INF2: variants seen among roughly 807,000 people sequenced by gnomAD.
INF2 encodes inverted formin-2.
A neutral mutation model predicts 123.5 loss-of-function variants in INF2; 43 were observed. The observed-to-expected ratio is 0.35, with a 90% CI of 0.27 to 0.45. The LOEUF (loss-of-function observed/expected upper bound fraction) is 0.45. Ranked by LOEUF, INF2 falls within the 20% of genes least tolerant of loss-of-function variation. The pLI is 1.00. For missense variants in INF2, 1,453 were observed against 1,682.7 expected, an observed-to-expected ratio of 0.86 and a Z score of 2.39; for synonymous variants, 851 against 745.0, an observed-to-expected ratio of 1.14 and a Z score of -2.32.
Position 104,701,739 on chromosome 14 carries a change from T to TG in INF2, c.375dup (p.Arg126AlafsTer20). On this transcript the variant is annotated frameshift_variant, in exon 2 of 23. Transcript: ENST00000392634. LOFTEE classifies it high-confidence loss of function. Reference sequence around the variant, plus strand: ...TACATCCTCAGCAACCAGGGCTACGTGCGCCAGCTCTCCCAGGGTGAGCCG... The same window carrying TG: ...TACATCCTCAGCAACCAGGGCTACGTGGCGCCAGCTCTCCCAGGGTGAGCCG... 1 of 1,519,882 alleles carries TG rather than the reference T, an allele frequency of 6.6e-7. No homozygotes were observed. The highest frequency in any genetic ancestry group is 8.8e-7 in the Non-Finnish European group (1 of 1,132,602). 94.1% of individuals were successfully genotyped at this position (1,519,882 alleles called of 1,614,324 possible).
chr14:104,701,575 G>A lies in INF2; in HGVS notation c.210G>A (p.Glu70=). The change falls in exon 2 of 23, where the codon GAG becomes GAA. Residue 70 remains glutamate, a synonymous_variant. Coordinates refer to ENST00000392634, the MANE Select transcript of INF2 (RefSeq NM_022489.4). ...GCGGCTGGATGGTGCAGTTCCTGGA[G>A]CAGAGCGGCCTGGACCTGCTGCTGG... ...SDGGWMVQFL[E]QSGLDLLLEA... is the part of the protein sequence containing the mutation. The A allele has an allele frequency of 1.2e-6, 2 of 1,608,406 alleles. No homozygotes were observed. The highest frequency in any genetic ancestry group is 1.7e-4 in the Middle Eastern group (1 of 6,024).
rs771072587 is a variant in INF2 at position 104,709,372 on chromosome 14, G to A, written c.2041G>A (p.Glu681Lys). 9 of 1,612,388 alleles carry A rather than the reference G, an allele frequency of 5.6e-6. No homozygotes were observed. The highest frequency in any genetic ancestry group is 3.3e-5 in the Admixed American group (2 of 59,996). The stretch of plus-strand genomic sequence containing the variant: ...CAAACAACTCCTTAAGCTCCTTCCC[G>A]AGAAGCACGAGGTAAGAGGACCACC... ...VLKQLLKLLP[E>K]KHEIENLRAF... is the part of the protein sequence containing the mutation. The change falls in exon 11 of 23, where the codon GAG (glutamate) becomes AAG (lysine). Residue 681 changes from glutamate to lysine, a missense_variant. Transcript: ENST00000392634.
In INF2 at chr14:104,684,401, A is replaced by G. The variant is rs1300806236; in HGVS notation, c.-104+2819A>G. 3.6e-6 allele frequency: 1 copy of G among 277,572 alleles called. No individual in the cohort carries two copies. The highest frequency in any genetic ancestry group is 7.1e-6 in the Non-Finnish European group (1 of 140,218). 17.2% of individuals were successfully genotyped at this position (277,572 alleles called of 1,614,324 possible). On this transcript the variant is annotated intron_variant, in intron 1 of 2. Transcript: ENST00000674723. The surrounding 1 kb of genome is among the most constrained non-coding windows in gnomAD (Gnocchi z 5.0). ...TTCAGCGGATAGGTTTGTGCAACGAAATATTTCATAGAAATCAAGAAACAT... is the reference window on the plus strand; with the variant it reads ...TTCAGCGGATAGGTTTGTGCAACGAGATATTTCATAGAAATCAAGAAACAT...
chr14:104,707,017 C>A lies in INF2; in HGVS notation c.951C>A (p.Ser317Arg), dbSNP rs763642754. ...SSQLLWEALE[S>R]LVNRAVLLAS... ...AGCTGCTCTGGGAGGCCCTGGAGAG[C>A]CTCGTGAACCGGGCCGTGCTCCTGG... is the stretch of plus-strand genomic sequence containing the variant. The change falls in exon 7 of 23, where the codon AGC becomes AGA. Residue 317 changes from serine (S) to arginine (R), a missense_variant. Around this residue, in one of 8 missense-constraint regions of INF2, gnomAD observed 374 missense variants for 303.7 expected, o/e 1.23. Coordinates refer to ENST00000392634, the MANE Select transcript of INF2 (RefSeq NM_022489.4). 3.1e-6 allele frequency: 5 copies of A among 1,590,592 alleles called. No homozygotes were observed. The highest frequency in any genetic ancestry group is 3.4e-5 in the Admixed American group (2 of 58,828).
chr14:104,713,341 T>TG, intron 19 of INF2, 32 bp downstream of exon 19: 3 of 1,548,334 alleles, frequency 1.9e-6, no homozygotes, highest in Non-Finnish European at 2.6e-6. Flanking sequence ...GGGGAGGGGG[T>TG]GACTCTGGGA....
In INF2 at chr14:104,701,525, C is replaced by T; in HGVS notation, c.160C>T (p.Arg54Cys). 3.1e-6 allele frequency: 5 copies of T among 1,607,432 alleles called. No individual in the cohort carries two copies. The highest frequency in any genetic ancestry group is 3.4e-6 in the Non-Finnish European group (4 of 1,177,818). Residue 54 changes from arginine (R) to cysteine (C), a missense_variant, in exon 2 of 23, where the codon CGC (arginine) becomes TGC (cysteine). Transcript: ENST00000392634. The stretch of plus-strand genomic sequence containing the variant: ...CTCTGTGGTCAACTACTCCGGCCTG[C>T]GCAAGCGCCTGGAGGGCAGCGACGG... ...MPSVVNYSGL[R>C]KRLEGSDGGW...
rs1566781410 is a variant in INF2, at chr14:104,707,457, T to A, written c.1190T>A (p.Val397Glu). The A allele has an allele frequency of 6.4e-7, 1 of 1,559,878 alleles. No homozygotes were observed. The change falls in exon 8 of 23, where the codon GTG becomes GAG. Residue 397 changes from valine to glutamate, a missense_variant. Coordinates refer to ENST00000392634, the MANE Select transcript of INF2 (RefSeq NM_022489.4). ...GCAGCAGCTGCTGCCTGCGAGCCCGTGGACCACGCCCAGAGTGAGAGCATC... is the reference window on the plus strand; with the variant it reads ...GCAGCAGCTGCTGCCTGCGAGCCCGAGGACCACGCCCAGAGTGAGAGCATC... ...QPAAAAACEPVDHAQSESILK... is the reference protein window; with the variant it reads ...QPAAAAACEPEDHAQSESILK...
chr14:104,707,347 C>A lies in INF2; in HGVS notation c.1080C>A (p.Val360=). 1 of 1,600,024 alleles carries A rather than the reference C, an allele frequency of 6.2e-7. No individual in the cohort carries two copies. Among genetic ancestry groups the A allele is most frequent in the Non-Finnish European group, 8.5e-7 (1 of 1,174,252 alleles). ...PSPLVKAHKS[V]QANLDQSQRG... ...CCCTGGTCAAGGCCCATAAAAGCGT[C>A]CAGGCCAACCTAGACCAGAGCCAGA... Residue 360 remains valine, a synonymous_variant, in exon 8 of 23, where the codon GTC becomes GTA. Coordinates refer to ENST00000392634, the MANE Select transcript of INF2 (RefSeq NM_022489.4).
intron 10 of INF2, 55 bp from the exon 11 acceptor site, chr14:104,709,225 TG>T: frequency 7.2e-7 from 1 of 1,384,738 alleles, no homozygotes; most frequent in Non-Finnish European, 1.0e-6. Flanking sequence ...CCAAAGAGGC[TG>T]GGTGGGGGTG....
intron 22 of INF2, among the ~76,000 whole-genome samples, chr14:104,718,124 G>T (rs540972001): frequency 6.6e-6 from 1 of 152,356 alleles, no homozygotes; most frequent in African/African-American, 2.4e-5. Flanking sequence ...GATTGTTTTG[G>T]ATAGTTTTTG....
At chr14:104,696,701 T>C (rs1029941442) in intron 1 of INF2, among the ~76,000 whole-genome samples, 3 of 151,780 alleles carry the variant, frequency 2.0e-5, no homozygotes, top group Non-Finnish European at 4.4e-5. Context: ...TGGAGATCCA[T>C]GGGTTGCCAA....
At chr14:104,694,616 A>C (rs571038339) in intron 1 of INF2, among the ~76,000 whole-genome samples, 23 of 152,166 alleles carry the variant, frequency 1.5e-4, no homozygotes, top group African/African-American at 5.5e-4. Flanking sequence ...GAACCAGGAG[A>C]TCCTATGGGT....
At chr14:104,712,014 C>A (rs373380886) in intron 16 of INF2, among the ~76,000 whole-genome samples, 2 of 152,158 alleles carry the variant, frequency 1.3e-5, no homozygotes, top group African/African-American at 4.8e-5. Context: ...CAGGCTCGGG[C>A]CTCCCTCATT....
At chr14:104,690,911 C>T (rs916248459) in intron 1 of INF2, among the ~76,000 whole-genome samples, 2 of 152,204 alleles carry the variant, frequency 1.3e-5, no homozygotes, top group African/African-American at 4.8e-5. Flanking sequence ...GGTTCCAGGC[C>T]TGGGGTCTGA....
chr14:104,718,764 C>T (rs754146174), intron 22 of INF2, 31 bp from the exon 23 acceptor site: 120 of 1,611,812 alleles, frequency 7.4e-5, no homozygotes, highest in Non-Finnish European at 8.5e-5. Flanking sequence ...AAAACTGCTC[C>T]TAATAATGTC....
intron 22 of INF2, 76 bp from the exon 23 acceptor site, chr14:104,718,719 G>C: frequency 6.3e-7 from 1 of 1,580,580 alleles, no homozygotes; most frequent in Non-Finnish European, 8.6e-7. Context: ...AGGGACCTGG[G>C]CACCCAGAAG....
At chr14:104,718,141 T>C (rs1207737284) in intron 22 of INF2, among the ~76,000 whole-genome samples, 4 of 152,266 alleles carry the variant, frequency 2.6e-5, no homozygotes, top group Admixed American at 6.5e-5. Context: ...TTTGTTTTCT[T>C]GCTGTCTGTT....
intron 22 of INF2, among the ~76,000 whole-genome samples, chr14:104,718,586 C>G (rs1890427407): frequency 6.6e-6 from 1 of 152,190 alleles, no homozygotes; most frequent in Non-Finnish European, 1.5e-5. Flanking sequence ...AAAACCCAGC[C>G]TGGCCAGGCC....
chr14:104,709,381 G>C lies in INF2; in HGVS notation c.2050G>C (p.Glu684Gln), dbSNP rs770166116. The part of the protein sequence containing the change: ...QLLKLLPEKH[E>Q]IENLRAFTEE... ...CCTTAAGCTCCTTCCCGAGAAGCAC[G>C]AGGTAAGAGGACCACCCCCACACCC... The change falls in exon 11 of 23, where the codon GAG (glutamate) becomes CAG (glutamine). Residue 684 changes from glutamate (E) to glutamine (Q), a missense_variant and splice_region_variant. By Grantham distance (29) the Glu-to-Gln change is conservative. Transcript: ENST00000392634. 3 of 1,610,232 alleles carry C rather than the reference G, an allele frequency of 1.9e-6. No individual in the cohort carries two copies. Among genetic ancestry groups the C allele is most frequent in the Non-Finnish European group, 2.5e-6 (3 of 1,177,436 alleles).
Sources: allele counts gnomAD v4.1 joint callset (sites outside exome capture counted in the v4.1 genomes callset), GRCh38; gene constraint gnomAD v4.1.1; regional missense constraint gnomAD v4.1.1; non-coding constraint Gnocchi (gnomAD v3.1); transcripts MANE v1.5; gene names NCBI Gene and HGNC (gene_info 2026-07-23, HGNC 2026-07-21).